TAFA1: variants seen among roughly 807,000 people sequenced by gnomAD.
TAFA1 encodes TAFA chemokine like family member 1, also known as chemokine-like protein TAFA-1.
A neutral mutation model predicts 18.5 loss-of-function variants in TAFA1; 4 were observed. That is an observed-to-expected ratio of 0.22 (90% confidence interval 0.11 to 0.49). The LOEUF is 0.49. TAFA1 is among the 20% of genes least tolerant of loss of function. The pLI, the probability that TAFA1 is intolerant of heterozygous loss-of-function variation, is 0.98. For synonymous variants in TAFA1, 56 were observed against 55.2 expected (o/e 1.01, Z -0.06); for missense variants, 147 against 169.0 (o/e 0.87, Z 0.72).
chr3:68,069,078 A>G lies in TAFA1; in HGVS notation c.118+62334A>G, dbSNP rs138019298. ...CAGTTTTTAATACATATGCTGGAAC[A>G]TTGTAATGAAGGTGTTGCTAAGACT... On this transcript the variant is annotated intron_variant, in intron 2 of 4. Transcript: ENST00000478136. Among the ~76,000 whole-genome samples, 77 of 152,330 alleles carry G rather than the reference A, an allele frequency of 5.1e-4. 2 individuals carry two copies. In the East Asian group the frequency reaches 0.013, roughly 25 times the overall value.
intron 3 of TAFA1, among the ~76,000 whole-genome samples, chr3:68,516,584 A>G (rs1468950349): frequency 6.6e-6 from 1 of 152,194 alleles, no homozygotes; most frequent in African/African-American, 2.4e-5. Flanking sequence ...CTATCAGGAT[A>G]TTGTGCAGCA....
In TAFA1 at chr3:68,103,176, G is replaced by A. The variant is rs549063557; in HGVS notation, c.118+96432G>A. On this transcript the variant is annotated intron_variant, in intron 2 of 4. Transcript: ENST00000478136. Reference sequence around the variant, plus strand: ...CAGAGGTGAGGATGAGGGGAAGTGGGTTCAGAAGTTTCAATTTGTACTCTT... The same window carrying A: ...CAGAGGTGAGGATGAGGGGAAGTGGATTCAGAAGTTTCAATTTGTACTCTT... Among the ~76,000 whole-genome samples, 23 of 152,310 alleles carry A rather than the reference G, an allele frequency of 1.5e-4. No individual in the cohort carries two copies. In the South Asian group the frequency reaches 2.9e-3, roughly 19 times the overall value.
chr3:68,142,403 C>T (rs1056528865), intron 2 of TAFA1, among the ~76,000 whole-genome samples: 5 of 152,160 alleles, frequency 3.3e-5, no homozygotes, highest in African/African-American at 7.2e-5. Context: ...CATTAAAGGA[C>T]GCCTTTCATC....
intron 3 of TAFA1, among the ~76,000 whole-genome samples, chr3:68,480,206 C>A: frequency 6.9e-6 from 1 of 144,740 alleles, no homozygotes; most frequent in East Asian, 2.0e-4. Flanking sequence ...TCCTGGCTAA[C>A]ACAGTGAAAC....
intron 3 of TAFA1, among the ~76,000 whole-genome samples, chr3:68,483,541 A>G (rs932325521): frequency 6.6e-6 from 1 of 152,202 alleles, no homozygotes; most frequent in Non-Finnish European, 1.5e-5. Flanking sequence ...CCCAGTTGTC[A>G]TGGGCAGAAT....
chr3:68,008,928 G>A (rs1704417815), intron 2 of TAFA1, among the ~76,000 whole-genome samples: 1 of 152,086 alleles, frequency 6.6e-6, no homozygotes. Context: ...GGTTGGGGGC[G>A]GGGAGAGGTG....
intron 2 of TAFA1, among the ~76,000 whole-genome samples, chr3:68,217,665 G>T (rs1249454968): frequency 6.6e-6 from 1 of 151,956 alleles, no homozygotes; most frequent in Non-Finnish European, 1.5e-5. Flanking sequence ...GCTGTGTGGG[G>T]ATATAGGAAC....
intron 2 of TAFA1, among the ~76,000 whole-genome samples, chr3:68,115,882 C>A (rs2065318963): frequency 1.3e-5 from 2 of 152,128 alleles, no homozygotes; most frequent in South Asian, 4.1e-4. Flanking sequence ...CTGTTGTCAC[C>A]ACAAAACATT....
chr3:68,134,107 T>C (rs2065578077), intron 2 of TAFA1, among the ~76,000 whole-genome samples: 1 of 145,614 alleles, frequency 6.9e-6, no homozygotes, highest in Non-Finnish European at 1.5e-5. Flanking sequence ...AAAACAATGA[T>C]TGATTCATTG....
intron 2 of TAFA1, among the ~76,000 whole-genome samples, chr3:68,349,439 A>G (rs1156360638): frequency 1.3e-5 from 2 of 152,094 alleles, no homozygotes; most frequent in Non-Finnish European, 2.9e-5. Context: ...AAGGACGATA[A>G]AGTCCTACGG....
At chr3:68,081,362 G>T (rs2064897268) in intron 2 of TAFA1, among the ~76,000 whole-genome samples, 1 of 152,098 alleles carries the variant, frequency 6.6e-6, no homozygotes, top group South Asian at 2.1e-4. Flanking sequence ...GTGAGGACCT[G>T]CGTTCCTTTG....
chr3:68,168,272 T>C (rs1035607282), intron 2 of TAFA1, among the ~76,000 whole-genome samples: 1 of 152,218 alleles, frequency 6.6e-6, no homozygotes, highest in Non-Finnish European at 1.5e-5. Context: ...TGAAACTTGA[T>C]GAATAAATGT....
intron 2 of TAFA1, among the ~76,000 whole-genome samples, chr3:68,328,023 G>T (rs1176588207): frequency 6.6e-6 from 1 of 152,038 alleles, no homozygotes; most frequent in Non-Finnish European, 1.5e-5. Context: ...TTTTAATATG[G>T]TACCTTCAAG....
intron 2 of TAFA1, among the ~76,000 whole-genome samples, chr3:68,060,128 C>T (rs1433404352): frequency 6.6e-6 from 1 of 152,002 alleles, no homozygotes; most frequent in African/African-American, 2.4e-5. Context: ...TTTTTGATGC[C>T]TCCATATTTT....
intron 2 of TAFA1, among the ~76,000 whole-genome samples, chr3:68,191,082 A>C (rs1046004156): frequency 6.6e-6 from 1 of 151,846 alleles, no homozygotes; most frequent in African/African-American, 2.4e-5. Flanking sequence ...TAAACCCTAC[A>C]TGAAATCCCC....
intron 2 of TAFA1, among the ~76,000 whole-genome samples, chr3:68,162,333 G>A (rs1177923129): frequency 6.6e-6 from 1 of 152,144 alleles, no homozygotes; most frequent in East Asian, 1.9e-4. Flanking sequence ...CAGATCATCA[G>A]GCATTAGTTA....
chr3:68,329,370 G>T (rs776655784), intron 2 of TAFA1, among the ~76,000 whole-genome samples: 2 of 151,730 alleles, frequency 1.3e-5, no homozygotes, highest in African/African-American at 2.4e-5. Context: ...CCAGCCACTT[G>T]TGACCACTCT....
chr3:68,183,300 G>A (rs551360324), intron 2 of TAFA1, among the ~76,000 whole-genome samples: 3 of 152,180 alleles, frequency 2.0e-5, no homozygotes, highest in South Asian at 2.1e-4. Flanking sequence ...ATAAGATCTC[G>A]AGCTCCTCAT....
At chr3:68,057,369 C>T (rs138483865) in intron 2 of TAFA1, among the ~76,000 whole-genome samples, 196 of 152,334 alleles carry the variant, frequency 1.3e-3, no homozygotes, top group African/African-American at 4.4e-3. Flanking sequence ...GTATTTTCTT[C>T]ATCCCTCTAT....
Sources: gnomAD v4.1 joint callset for allele counts (sites outside exome capture counted in the v4.1 genomes callset) on GRCh38, gnomAD v4.1.1 for gene constraint, MANE v1.5 for transcripts, NCBI Gene and HGNC (gene_info 2026-07-23, HGNC 2026-07-21) for gene names.